Variants in TTLL3 observed in about 807,000 individuals in gnomAD.
TTLL3 encodes the protein tubulin monoglycylase TTLL3.
A neutral mutation model predicts 75.2 loss-of-function variants in TTLL3; 63 were observed. The observed-to-expected ratio is 0.84, with a 90% CI of 0.68 to 1.03. The LOEUF (loss-of-function observed/expected upper bound fraction) is 1.03, where lower values mean the gene tolerates loss of function less well. Ranked by LOEUF, TTLL3 falls within the 50% of genes least tolerant of loss-of-function variation. TTLL3 has a pLI of 0.00. For missense variants in TTLL3, 997 were observed against 1,069.9 expected, an observed-to-expected ratio of 0.93 and a Z score of 0.95; for synonymous variants, 393 against 418.5, an observed-to-expected ratio of 0.94 and a Z score of 0.74.
rs3806668 is a variant in TTLL3, at chr3:9,818,939, T to G, written c.658+19T>G. 0.25 allele frequency: 407,815 copies of G among 1,613,284 alleles called. 55,632 individuals carry two copies. Among genetic ancestry groups the G allele is most frequent in the East Asian group, 0.53 (23,615 of 44,828 alleles). ...GCCTCAGGTAAGTACTGTGGTTACCTCCACTCTCCCACCCATTTATCCTCC... is the reference window on the plus strand; with the variant it reads ...GCCTCAGGTAAGTACTGTGGTTACCGCCACTCTCCCACCCATTTATCCTCC... On this transcript the variant is annotated intron_variant, in intron 7 of 13. Transcript: ENST00000685419.
At chr3:9,828,484 A>C in intron 10 of TTLL3, 1 of 164,120 alleles carries the variant, frequency 6.1e-6, no homozygotes, top group Non-Finnish European at 1.3e-5. Context: ...CCCAGTGCAT[A>C]CTTCTTGTTC....
chr3:9,825,475 G>C, intron 8 of TTLL3: 1 of 380,762 alleles, frequency 2.6e-6, no homozygotes, highest in Non-Finnish European at 5.1e-6. Context: ...TTATCATTAG[G>C]AACTGGAATG....
intron 9 of TTLL3, among the ~76,000 whole-genome samples, chr3:9,826,739 A>G (rs2081082342): frequency 6.6e-6 from 1 of 151,884 alleles, no homozygotes; most frequent in South Asian, 2.1e-4. Flanking sequence ...AAAAAAAAAA[A>G]AAAAAAAAAG....
intron 8 of TTLL3, among the ~76,000 whole-genome samples, chr3:9,821,740 C>T (rs1009097571): frequency 2.6e-5 from 4 of 152,208 alleles, no homozygotes; most frequent in African/African-American, 7.2e-5. Context: ...TGGTGGCTCA[C>T]GCCTGTAATC....
intron 11 of TTLL3, 49 bp downstream of exon 11, chr3:9,829,444 C>G (rs750958928): frequency 6.5e-7 from 1 of 1,535,390 alleles, no homozygotes; most frequent in Admixed American, 1.9e-5. Flanking sequence ...GCACCCTCTT[C>G]CAGGCAGCCC....
chr3:9,813,264 C>T lies in TTLL3; in HGVS notation c.234C>T (p.Asp78=), dbSNP rs748600926. 38 of 1,614,056 alleles carry T rather than the reference C, an allele frequency of 2.4e-5. No individual in the cohort carries two copies. The highest frequency in any genetic ancestry group is 8.9e-5 in the East Asian group (4 of 44,902). Residue 78 remains aspartate (D), a synonymous_variant, in exon 4 of 14, where the codon GAC becomes GAT. Transcript: ENST00000685419. Reference sequence around the variant, plus strand: ...CATCCACAGAGGATGAAGATGAGGACGAGGAGTTCCAGCCATCACAGCTGT... The same window carrying T: ...CATCCACAGAGGATGAAGATGAGGATGAGGAGTTCCAGCCATCACAGCTGT... ...DTTEDEDEDE[D]EEFQPSQLFD...
intron 9 of TTLL3, among the ~76,000 whole-genome samples, chr3:9,826,367 C>T (rs2081041996): frequency 6.6e-6 from 1 of 152,162 alleles, no homozygotes; most frequent in Non-Finnish European, 1.5e-5. Context: ...TTTCGTACTG[C>T]CTAATTTTTG....
intron 7 of TTLL3, chr3:9,819,939 A>G: frequency 1.0e-6 from 1 of 985,940 alleles, no homozygotes; most frequent in Non-Finnish European, 1.2e-6. Flanking sequence ...TCAGTTGTAT[A>G]TCAGAATCTT....
intron 12 of TTLL3, among the ~76,000 whole-genome samples, chr3:9,833,685 A>G (rs556474817): frequency 6.6e-6 from 1 of 152,304 alleles, no homozygotes; most frequent in South Asian, 2.1e-4. Context: ...GTTTAAAAAT[A>G]CACAGCCAAA....
At chr3:9,810,243 C>A, upstream of TTLL3, 1 of 1,508,848 alleles carries the variant, frequency 6.6e-7, no homozygotes, top group Non-Finnish European at 8.8e-7. This position sits in a 1 kb window ranked among gnomAD's most constrained non-coding sequence, Gnocchi z 4.4. Context: ...GTCACGCAGG[C>A]GGCAGATGCC....
chr3:9,810,176 TC>T (rs1202897502), upstream of TTLL3: 19 of 1,470,932 alleles, frequency 1.3e-5, no homozygotes, highest in Middle Eastern at 2.1e-4. This position sits in a 1 kb window ranked among gnomAD's most constrained non-coding sequence, Gnocchi z 4.4. Context: ...CGCTCCGAGT[TC>T]CGTCCACCCA....
chr3:9,832,080 ATTTTTTTTTTTTT>A (rs34646268), intron 11 of TTLL3, among the ~76,000 whole-genome samples: 3 of 84,820 alleles, frequency 3.5e-5, no homozygotes, highest in Admixed American at 3.3e-4. Context: ...CAATAGCTGC[ATTTTTTTTTTTTT>A]TTTTTTTTTG....
At chr3:9,832,190 A>G (rs1392722968) in intron 11 of TTLL3, among the ~76,000 whole-genome samples, 1 of 147,906 alleles carries the variant, frequency 6.8e-6, no homozygotes, top group Non-Finnish European at 1.5e-5. Flanking sequence ...GGTTCAAGCA[A>G]TTCTCCTGCC....
chr3:9,829,342 C>G lies in TTLL3; in HGVS notation c.1630C>G (p.Arg544Gly). The change falls in exon 11 of 14, where the codon CGG becomes GGG. Residue 544 changes from arginine (R) to glycine (G), a missense_variant. Transcript: ENST00000685419. ...TGACACCCTGCGCGTGGTCATTGAC[C>G]GGATGCTGGACCGCAACTGTGACAC... ...QADTLRVVID[R>G]MLDRNCDTGA... The G allele has an allele frequency of 4.3e-6, 7 of 1,611,954 alleles. No homozygotes were observed. Among genetic ancestry groups the G allele is most frequent in the Non-Finnish European group, 5.9e-6 (7 of 1,178,750 alleles).
At chr3:9,833,303 G>C (rs1272116545) in intron 12 of TTLL3, 58 bp downstream of exon 12, 7 of 1,596,482 alleles carry the variant, frequency 4.4e-6, no homozygotes, top group Non-Finnish European at 6.0e-6. Context: ...ACTGGGGCCA[G>C]GAGCCTGGGG....
intron 2 of TTLL3, among the ~76,000 whole-genome samples, chr3:9,811,610 G>A (rs955753407): frequency 2.6e-5 from 4 of 152,172 alleles, no homozygotes; most frequent in African/African-American, 4.8e-5. Context: ...TTGTAATACA[G>A]CAGCAAGCCA....
chr3:9,834,796 CCT>C lies in TTLL3; in HGVS notation c.1942_1943del (p.Leu648ValfsTer14), dbSNP rs776737636. 6.2e-7 allele frequency: 1 copy of C among 1,614,224 alleles called. No homozygotes were observed. Among genetic ancestry groups the C allele is most frequent in the Non-Finnish European group, 8.5e-7 (1 of 1,180,036 alleles). On this transcript the variant is annotated frameshift_variant, in exon 13 of 14. Transcript: ENST00000685419. LOFTEE classifies it high-confidence loss of function. ...QHSKLVGTKALSTTGKALRTL... is the reference protein window; with the variant it reads ...QHSKLVGTKAXSTTGKALRTL... ...ACAGCAAGCTGGTGGGCACTAAGGC[CCT>C]GTCGACCACAGGCAAGGCCTTGAGG...
chr3:9,828,294 A>G (rs759314289), intron 10 of TTLL3: 1 of 152,126 alleles, frequency 6.6e-6, no homozygotes, highest in African/African-American at 2.4e-5. Flanking sequence ...CTGAATTCCA[A>G]TTCTGTCTCT....
intron 2 of TTLL3, 75 bp from the exon 3 acceptor site, chr3:9,812,868 G>T: frequency 7.1e-7 from 1 of 1,402,156 alleles, no homozygotes; most frequent in Non-Finnish European, 9.3e-7. Context: ...ATAACTGTCT[G>T]GTTCACCTTT....
Sources: gnomAD v4.1 joint callset for allele counts (sites outside exome capture counted in the v4.1 genomes callset) on GRCh38, gnomAD v4.1.1 for gene constraint, Gnocchi (gnomAD v3.1) non-coding constraint, MANE v1.5 for transcripts, NCBI Gene and HGNC (gene_info 2026-07-23, HGNC 2026-07-21) for gene names.